The following BIRC6 variants were observed in gnomAD, a reference collection of about 807,000 sequenced individuals.
BIRC6 encodes baculoviral IAP repeat containing 6.
A neutral mutation model predicts 503.3 loss-of-function variants in BIRC6; 98 were observed. That is an observed-to-expected ratio of 0.19 (90% CI 0.17 to 0.23). The LOEUF is 0.23. Among genes scored for constraint, BIRC6 ranks in the 10% least tolerant of loss-of-function variants. The probability of loss-of-function intolerance (pLI) is 1.00; values close to 1 mark genes in which losing one functional copy is unlikely to be tolerated. For missense variants in BIRC6, 5,360 were observed against 5,806.0 expected (o/e 0.92, Z 2.50); for synonymous variants, 2,240 against 2,078.7 (o/e 1.08, Z -2.11).
At chr2:32,553,174 G>A (rs2058543300) in intron 65 of BIRC6, among the ~76,000 whole-genome samples, 1 of 95,298 alleles carries the variant, frequency 1.0e-5, no homozygotes, top group Non-Finnish European at 1.9e-5. Context: ...TCCAGCCTGG[G>A]TGACAAGAGT....
At chr2:32,410,176 A>G (rs556483314) in intron 9 of BIRC6, among the ~76,000 whole-genome samples, 2 of 152,314 alleles carry the variant, frequency 1.3e-5, no homozygotes, top group East Asian at 3.9e-4. Flanking sequence ...CATTTAAGTA[A>G]ATTTGTCAGT....
intron 1 of BIRC6, among the ~76,000 whole-genome samples, chr2:32,367,865 T>C (rs1048961101): frequency 6.6e-6 from 1 of 152,162 alleles, no homozygotes; most frequent in Admixed American, 6.5e-5. Context: ...GGTTTGAGTA[T>C]GTTAAATCAG....
At chr2:32,416,238 A>C in intron 10 of BIRC6, 75 bp downstream of exon 10, 1 of 1,391,948 alleles carries the variant, frequency 7.2e-7, no homozygotes. Flanking sequence ...CAAACCTAGT[A>C]TGAATTTTAG....
At chr2:32,368,592 C>G (rs952254671) in intron 1 of BIRC6, among the ~76,000 whole-genome samples, 4 of 152,090 alleles carry the variant, frequency 2.6e-5, no homozygotes, top group Admixed American at 2.0e-4. Flanking sequence ...AGTTCAAACT[C>G]TCTAACTCCC....
Position 32,504,077 on chromosome 2 carries a change from T to TGTGTG in BIRC6, c.9499+841_9499+842insGTGTG, listed in dbSNP as rs58131659. Among the ~76,000 whole-genome samples, 104 of 145,656 alleles carry TGTGTG rather than the reference T, an allele frequency of 7.1e-4. 1 individual carries two copies. The highest frequency in any genetic ancestry group is 1.8e-3 in the African/African-American group (70 of 38,306). ...GTGTGTGTGTGTGTGTGTGTGTGTG[T>TGTGTG]TTAGTAGAGATGGGGTTTCACCATG... is the stretch of plus-strand genomic sequence containing the variant. On this transcript the variant is annotated intron_variant, in intron 49 of 73. Transcript: ENST00000421745.
intron 1 of BIRC6, among the ~76,000 whole-genome samples, chr2:32,360,770 C>A (rs2033948023): frequency 6.6e-6 from 1 of 152,036 alleles, no homozygotes; most frequent in Admixed American, 6.6e-5. Context: ...AGTTTAAATT[C>A]CATTTTATTT....
chr2:32,520,523 A>T (rs1041472771), intron 57 of BIRC6, among the ~76,000 whole-genome samples: 1 of 152,214 alleles, frequency 6.6e-6, no homozygotes, highest in Non-Finnish European at 1.5e-5. Flanking sequence ...GAAAATTAAA[A>T]AGTAAATAAA....
chr2:32,552,329 TGA>T (rs1559037614), intron 65 of BIRC6, among the ~76,000 whole-genome samples: 2 of 152,214 alleles, frequency 1.3e-5, no homozygotes, highest in Admixed American at 6.5e-5. Flanking sequence ...CTCATATTAA[TGA>T]GTTTACTATG....
At chr2:32,383,053 A>T (rs1161859116) in intron 3 of BIRC6, among the ~76,000 whole-genome samples, 1 of 135,320 alleles carries the variant, frequency 7.4e-6, no homozygotes, top group African/African-American at 2.8e-5. Flanking sequence ...TTTTAATTTA[A>T]TTTTTTTTTC....
intron 1 of BIRC6, among the ~76,000 whole-genome samples, chr2:32,374,618 G>A (rs1266440310): frequency 1.3e-5 from 2 of 151,678 alleles, no homozygotes; most frequent in East Asian, 1.9e-4. Flanking sequence ...GACTACAGGC[G>A]CCCGCCACCA....
Position 32,376,328 on chromosome 2 carries a change from C to T in BIRC6, c.326-1260C>T, listed in dbSNP as rs2036776788. Among the ~76,000 whole-genome samples the T allele has an allele frequency of 3.9e-5, 6 of 152,106 alleles. No individual in the cohort carries two copies. The South Asian group carries it at 1.2e-3, about 32-fold the overall frequency. On this transcript the variant is annotated intron_variant, in intron 1 of 73. Coordinates refer to ENST00000421745, the MANE Select transcript of BIRC6 (RefSeq NM_016252.4). ...GTGGTACTCATAACACTTGAACTCA[C>T]TGCAATAGGAACAAAATTATCACAG...
chr2:32,418,125 A>C (rs918183540), intron 10 of BIRC6, among the ~76,000 whole-genome samples: 1 of 152,234 alleles, frequency 6.6e-6, no homozygotes, highest in African/African-American at 2.4e-5. Context: ...AAAAATCTTT[A>C]AATATCATAA....
intron 57 of BIRC6, among the ~76,000 whole-genome samples, chr2:32,520,120 A>G (rs1195925705): frequency 1.3e-5 from 2 of 152,350 alleles, no homozygotes; most frequent in East Asian, 1.9e-4. Flanking sequence ...CAAGAATAGG[A>G]GTATCTAAGA....
At chr2:32,394,102 C>T (rs1323894689) in intron 5 of BIRC6, among the ~76,000 whole-genome samples, 1 of 150,728 alleles carries the variant, frequency 6.6e-6, no homozygotes, top group Non-Finnish European at 1.5e-5. Flanking sequence ...AGCAACTTGT[C>T]TTTCTTTTAA....
intron 1 of BIRC6, among the ~76,000 whole-genome samples, chr2:32,371,886 A>G (rs1188395655): frequency 6.6e-6 from 1 of 151,640 alleles, no homozygotes. Context: ...GCTCACTGCA[A>G]CCTCCACCTC....
intron 3 of BIRC6, among the ~76,000 whole-genome samples, chr2:32,387,295 C>G: frequency 6.8e-6 from 1 of 146,886 alleles, no homozygotes; most frequent in Non-Finnish European, 1.5e-5. Context: ...AGTTTTCATT[C>G]TCCCTCTTTT....
At chr2:32,589,162 A>T (rs1159197448) in intron 66 of BIRC6, among the ~76,000 whole-genome samples, 2 of 152,174 alleles carry the variant, frequency 1.3e-5, no homozygotes, top group Non-Finnish European at 2.9e-5. Context: ...TATTGTGAAT[A>T]AAAAAATCTT....
intron 59 of BIRC6, 43 bp from the exon 60 acceptor site, chr2:32,529,608 T>G (rs1260059964): frequency 2.1e-6 from 3 of 1,437,856 alleles, no homozygotes; most frequent in Non-Finnish European, 2.8e-6. Context: ...AAGTAAATGT[T>G]TCTTTCTCGG....
At chr2:32,445,819 G>T (rs1471731596) in intron 21 of BIRC6, among the ~76,000 whole-genome samples, 151 bp downstream of exon 21, 2 of 151,670 alleles carry the variant, frequency 1.3e-5, no homozygotes, top group Non-Finnish European at 2.9e-5. Flanking sequence ...TACGATAATA[G>T]CCTGAGGTTT....
Sources: allele counts gnomAD v4.1 joint callset (sites outside exome capture counted in the v4.1 genomes callset), GRCh38; gene constraint gnomAD v4.1.1; transcripts MANE v1.5; gene names NCBI Gene and HGNC (gene_info 2026-07-23, HGNC 2026-07-21).